Variants in MYH14 observed in about 807,000 individuals in gnomAD.
MYH14 encodes the protein myosin heavy chain 14.
In MYH14, 123 loss-of-function variants were observed where a neutral mutation model predicts 255.5. That is an observed-to-expected ratio of 0.48 (90% confidence interval 0.42 to 0.56). The LOEUF (loss-of-function observed/expected upper bound fraction) is 0.56, where lower values mean the gene tolerates loss of function less well. Ranked by LOEUF, MYH14 falls within the 20% of genes least tolerant of loss-of-function variation. MYH14 has a pLI of 0.00. For missense variants in MYH14, 2,423 were observed against 2,802.3 expected, an observed-to-expected ratio of 0.86 and a Z score of 3.06; for synonymous variants, 1,095 against 1,161.2, an observed-to-expected ratio of 0.94 and a Z score of 1.16.
In MYH14 at chr19:50,261,483, G is replaced by T. The variant is rs746902884; in HGVS notation, c.2433G>T (p.Ala811=). Residue 811 remains alanine, a synonymous_variant, in exon 21 of 43, where the codon GCG becomes GCT. Transcript: ENST00000642316. ...GKQACEKMIQ[A]LELDPNLYRV... ...TCTCCCACCCCTCACAGATCCAGGC[G>T]CTGGAACTGGACCCCAACCTCTACC... The T allele has an allele frequency of 1.4e-6, 2 of 1,412,560 alleles. No homozygotes were observed. Among genetic ancestry groups the T allele is most frequent in the African/African-American group, 2.1e-5 (1 of 47,296 alleles). The allele number at this position is 1,412,560 out of a possible 1,614,324, so 87.5% of individuals were successfully genotyped here. A position where few individuals can be genotyped will look rare whatever the true frequency, so the allele number is the denominator to read the frequency against.
Position 50,223,355 on chromosome 19 carries a change from C to A in MYH14, c.693+6C>A. ...GGAAGGAGCCGGGTGTCCCCGTAAGCAACCCCGCCTTGGGTCACCCCCGGG... is the reference window on the plus strand; with the variant it reads ...GGAAGGAGCCGGGTGTCCCCGTAAGAAACCCCGCCTTGGGTCACCCCCGGG... On this transcript the variant is annotated splice_donor_region_variant and intron_variant, in intron 5 of 42. Transcript: ENST00000642316. The A allele has an allele frequency of 6.4e-7, 1 of 1,557,928 alleles. No individual in the cohort carries two copies. The highest frequency in any genetic ancestry group is 1.2e-5 in the South Asian group (1 of 85,204).
intron 15 of MYH14, among the ~76,000 whole-genome samples, chr19:50,251,565 C>CATATATATATATAT (rs1568500688): frequency 1.8e-5 from 2 of 111,644 alleles, no homozygotes; most frequent in African/African-American, 6.9e-5. Flanking sequence ...CACACACACA[C>CATATATATATATAT]ACACATATAT....
At chr19:50,263,458 G>C (rs770127126) in intron 22 of MYH14, 38 bp downstream of exon 22, 2 of 1,464,204 alleles carry the variant, frequency 1.4e-6, no homozygotes, top group East Asian at 4.9e-5. Context: ...AGTAGGGAGA[G>C]GATAGGGCCT....
intron 29 of MYH14, 110 bp downstream of exon 29, chr19:50,277,011 C>T (rs1386114871): frequency 8.3e-5 from 63 of 756,906 alleles, no homozygotes; most frequent in Admixed American, 1.6e-4. Flanking sequence ...TCTCCCTGGG[C>T]CCCTTTCCTC....
In MYH14 at chr19:50,278,198, G is replaced by A. The variant is rs375213477; in HGVS notation, c.3941G>A (p.Arg1314His). 1.3e-5 allele frequency: 21 copies of A among 1,609,710 alleles called. No individual in the cohort carries two copies. The Middle Eastern group carries it at 6.9e-4, about 53-fold the overall frequency. Residue 1314 changes from arginine to histidine, a missense_variant, in exon 30 of 43, where the codon CGC (arginine) becomes CAC (histidine). This residue lies in a region of MYH14 where 1,513 missense variants were observed against 1,674.8 expected (regional missense o/e 0.90). Coordinates refer to ENST00000642316, the MANE Select transcript of MYH14 (RefSeq NM_001145809.2). ...ARQEGEQRRR[R>H]LELQLQEVQG... ...CAGGAGGGTGAGCAGCGGAGGCGCC[G>A]CCTGGAGTTACAGCTGCAGGAGGTG...
At chr19:50,301,032 C>A (rs554962468) in intron 39 of MYH14, among the ~76,000 whole-genome samples, 1 of 152,056 alleles carries the variant, frequency 6.6e-6, no homozygotes, top group Admixed American at 6.6e-5. Flanking sequence ...AAGTATGAAT[C>A]AGACTGGGTC....
At chr19:50,239,002 C>T (rs1278148971) in intron 10 of MYH14, among the ~76,000 whole-genome samples, 2 of 152,056 alleles carry the variant, frequency 1.3e-5, no homozygotes, top group African/African-American at 2.4e-5. Context: ...TGTCCCCCAA[C>T]CTCCAAAAAA....
At position 50,276,101 on chromosome 19, in the gene MYH14, C is replaced by G. The variant is rs761801771; in HGVS notation, c.3578C>G (p.Thr1193Ser). Residue 1193 changes from threonine to serine, a missense_variant, in exon 28 of 43, where the codon ACC becomes AGC. Thr to Ser is a moderately conservative substitution (Grantham distance 58). Coordinates refer to ENST00000642316, the MANE Select transcript of MYH14 (RefSeq NM_001145809.2). The surrounding 1 kb of genome is among the most constrained non-coding windows in gnomAD (Gnocchi z 4.3). ...EDLESERVARTKAEKQRRDLG... is the reference protein window; with the variant it reads ...EDLESERVARSKAEKQRRDLG... ...CTGGAGTCTGAGCGTGTGGCCAGGA[C>G]CAAGGCGGAGAAGCAGCGCCGGGAC... is the stretch of plus-strand genomic sequence containing the variant. 1.8e-5 allele frequency: 29 copies of G among 1,608,152 alleles called. No homozygotes were observed. Among genetic ancestry groups the G allele is most frequent in the Non-Finnish European group, 2.3e-5 (27 of 1,178,012 alleles).
chr19:50,232,053 G>C lies in MYH14; in HGVS notation c.1097G>C (p.Ser366Thr), dbSNP rs377555668. The change falls in exon 10 of 43, where the codon AGC becomes ACC. Residue 366 changes from serine (S) to threonine (T), a missense_variant. Ser to Thr is a moderately conservative substitution (Grantham distance 58). This residue lies in a region of MYH14 where 672 missense variants were observed against 881.8 expected (regional missense o/e 0.76). Transcript: ENST00000642316. ...TLESLRVLGF[S>T]HEEIISMLRM... ...GAGTCGCTGCGGGTCCTGGGATTCA[G>C]CCACGAGGAAATCATCTGTGAGTGA... 13 of 1,612,276 alleles carry C rather than the reference G, an allele frequency of 8.1e-6. No individual in the cohort carries two copies. In the African/African-American group the frequency reaches 1.1e-4, roughly 13 times the overall value.
chr19:50,233,171 A>C (rs1600901226), intron 10 of MYH14, among the ~76,000 whole-genome samples: 3 of 149,238 alleles, frequency 2.0e-5, no homozygotes, highest in South Asian at 4.2e-4. Flanking sequence ...GCCCACCCCC[A>C]CTTTTTTTTT....
At chr19:50,303,191 G>A (rs761937112) in intron 40 of MYH14, among the ~76,000 whole-genome samples, 15 of 152,102 alleles carry the variant, frequency 9.9e-5, no homozygotes, top group South Asian at 6.2e-4. Context: ...CTCATCATCC[G>A]CTCAGTTGAG....
intron 10 of MYH14, among the ~76,000 whole-genome samples, chr19:50,235,492 A>C (rs2033620647): frequency 6.6e-6 from 1 of 151,624 alleles, no homozygotes; most frequent in Admixed American, 6.6e-5. Context: ...TGCTAGAGTT[A>C]AATACTCAGC....
chr19:50,295,316 C>T (rs932951073), intron 39 of MYH14, among the ~76,000 whole-genome samples: 3 of 151,486 alleles, frequency 2.0e-5, no homozygotes, highest in African/African-American at 7.3e-5. Flanking sequence ...CAGAGCAAGA[C>T]TCCATCTCAA....
rs765607599 is a variant in MYH14 at position 50,293,258 on chromosome 19, G to A, written c.5282G>A (p.Arg1761Gln). 25 of 1,609,202 alleles carry A rather than the reference G, an allele frequency of 1.6e-5. 1 individual carries two copies. In the South Asian group the frequency reaches 1.8e-4, roughly 11 times the overall value. Residue 1761 changes from arginine (R) to glutamine (Q), a missense_variant, in exon 38 of 43, where the codon CGG becomes CAG. Transcript: ENST00000642316. The surrounding 1 kb of genome is among the most constrained non-coding windows in gnomAD (Gnocchi z 4.1). ...QEELAASDRA[R>Q]RQAQQDRDEM... ...GAACTGGCCGCCTCGGACCGTGCTC[G>A]GCGGCAGGCCCAGCAGGACCGGGAT...
chr19:50,280,462 G>A lies in MYH14; in HGVS notation c.4290+79G>A, dbSNP rs879894009. 6 of 1,400,818 alleles carry A rather than the reference G, an allele frequency of 4.3e-6. No homozygotes were observed. Among genetic ancestry groups the A allele is most frequent in the South Asian group, 1.5e-5 (1 of 68,578 alleles). 86.8% of individuals were successfully genotyped at this position (1,400,818 alleles called of 1,614,324 possible). A position where few individuals can be genotyped will look rare whatever the true frequency, so the allele number is the denominator to read the frequency against. ...TCCTGGGTTCCCCAGCTCAGGGATG[G>A]CCATGCTGCCCACCTTCTCATAGGC... On this transcript the variant is annotated intron_variant, in intron 32 of 42. Transcript: ENST00000642316. This position sits in a 1 kb window ranked among gnomAD's most constrained non-coding sequence, Gnocchi z 4.8.
chr19:50,236,661 T>G (rs1426082193), intron 10 of MYH14, among the ~76,000 whole-genome samples: 8 of 152,046 alleles, frequency 5.3e-5, no homozygotes, highest in Admixed American at 4.6e-4. Flanking sequence ...TGAGCCAAGA[T>G]TAAGCCACTG....
intron 3 of MYH14, among the ~76,000 whole-genome samples, chr19:50,218,755 A>G (rs1159900364): frequency 6.6e-6 from 1 of 151,104 alleles, no homozygotes; most frequent in Non-Finnish European, 1.5e-5. Context: ...ATCCCTCACC[A>G]CCCCCCACTA....
intron 5 of MYH14, among the ~76,000 whole-genome samples, chr19:50,223,761 G>A (rs76445114): frequency 0.021 from 3,263 of 152,190 alleles, 96 homozygotes; most frequent in African/African-American, 0.074. Flanking sequence ...CACTGAAGAC[G>A]GAGAGCCCAG....
At chr19:50,302,284 T>TAAAAAAAAAAAAAAA (rs57153887) in intron 40 of MYH14, among the ~76,000 whole-genome samples, 4 of 117,378 alleles carry the variant, frequency 3.4e-5, no homozygotes, top group East Asian at 2.7e-4. Flanking sequence ...ACCTTGTCTC[T>TAAAAAAAAAAAAAAA]AAAAAAAAAA....
Sources: allele counts gnomAD v4.1 joint callset (sites outside exome capture counted in the v4.1 genomes callset), GRCh38; gene constraint gnomAD v4.1.1; regional missense constraint gnomAD v4.1.1; non-coding constraint Gnocchi (gnomAD v3.1); transcripts MANE v1.5; gene names NCBI Gene and HGNC (gene_info 2026-07-23, HGNC 2026-07-21).